The following MYO9A variants were observed in gnomAD, a reference collection of about 807,000 sequenced individuals.
The protein encoded by MYO9A is myosin IXA, also known as unconventional myosin-IXa.
MYO9A carries 103 observed loss-of-function variants against 293.3 expected under a neutral mutation model. The ratio of observed to expected loss-of-function variants is 0.35; its 90% CI spans 0.30 to 0.41. The LOEUF is 0.41. Ranked by LOEUF, MYO9A falls within the 10% of genes least tolerant of loss-of-function variation. The pLI is 1.00. For synonymous variants in MYO9A, 1,001 were observed against 1,035.7 expected (o/e 0.97, Z 0.64); for missense variants, 2,685 against 3,033.0 (o/e 0.89, Z 2.69).
chr15:72,001,849 G>A (rs561534167), intron 8 of MYO9A, among the ~76,000 whole-genome samples: 1 of 151,878 alleles, frequency 6.6e-6, no homozygotes, highest in Non-Finnish European at 1.5e-5. Context: ...CAACCTTTTA[G>A]ATTTATTTAA....
chr15:71,960,168 A>G (rs986315934), intron 13 of MYO9A, 72 bp from the exon 14 acceptor site: 1 of 1,321,292 alleles, frequency 7.6e-7, no homozygotes, highest in Non-Finnish European at 1.1e-6. Flanking sequence ...GGGTGATAAC[A>G]TACTTTGGAT....
At chr15:71,838,764 A>C (rs1395934898) in intron 39 of MYO9A, among the ~76,000 whole-genome samples, 2 of 152,204 alleles carry the variant, frequency 1.3e-5, no homozygotes, top group Non-Finnish European at 2.9e-5. Context: ...TGCTTTTGAC[A>C]GAGAGCCAAG....
At position 71,830,130 on chromosome 15, in the gene MYO9A, A is replaced by G. The variant is rs1464469820; in HGVS notation, c.7019T>C (p.Ile2340Thr). Residue 2340 changes from isoleucine to threonine, a missense_variant, in exon 40 of 42, where the codon ATT becomes ACT. Physicochemically the swap from Ile to Thr is moderately conservative, Grantham distance 89. Around this residue, in one of 10 missense-constraint regions of MYO9A, gnomAD observed 350 missense variants for 328.9 expected, o/e 1.06. Coordinates refer to ENST00000356056, the MANE Select transcript of MYO9A (RefSeq NM_006901.4). ...TCACTTCTCCTTCTGTAGGTTCTCA[A>G]TCTGCTCAGTCAGTACTCTCTCCTC... is the stretch of plus-strand genomic sequence containing the variant. ...QQEERVLTEQIENLQKEKEEL... is the reference protein window; with the variant it reads ...QQEERVLTEQTENLQKEKEEL... 2.5e-6 allele frequency: 4 copies of G among 1,613,980 alleles called. No individual in the cohort carries two copies. Among genetic ancestry groups the G allele is most frequent in the Non-Finnish European group, 3.4e-6 (4 of 1,179,940 alleles).
chr15:71,913,792 G>A (rs1308039022), intron 19 of MYO9A, among the ~76,000 whole-genome samples: 2 of 152,114 alleles, frequency 1.3e-5, no homozygotes, highest in Non-Finnish European at 2.9e-5. Flanking sequence ...TTTTGTGAGA[G>A]CAGGGCCAGA....
intron 1 of MYO9A, among the ~76,000 whole-genome samples, chr15:72,077,207 C>CT (rs1387606573): frequency 6.6e-6 from 1 of 152,128 alleles, no homozygotes; most frequent in Non-Finnish European, 1.5e-5. Flanking sequence ...TAATCTCAGC[C>CT]TTGGCAATGA....
At chr15:72,074,908 TC>T (rs1416232742) in intron 1 of MYO9A, among the ~76,000 whole-genome samples, 3 of 151,788 alleles carry the variant, frequency 2.0e-5, no homozygotes, top group Non-Finnish European at 4.4e-5. Flanking sequence ...AATTAGCATG[TC>T]TTTTCTCAGG....
chr15:71,852,347 G>A, intron 35 of MYO9A, 87 bp from the exon 36 acceptor site: 1 of 1,220,118 alleles, frequency 8.2e-7, no homozygotes, highest in Non-Finnish European at 1.1e-6. Context: ...ATCATTAAAG[G>A]AAGGCTTCAT....
intron 1 of MYO9A, among the ~76,000 whole-genome samples, chr15:72,058,704 C>T (rs1287650428): frequency 6.6e-6 from 1 of 152,090 alleles, no homozygotes; most frequent in Admixed American, 6.5e-5. Flanking sequence ...ACAGTATATG[C>T]TAACGAGGTA....
intron 1 of MYO9A, among the ~76,000 whole-genome samples, chr15:72,049,291 T>C (rs572451370): frequency 5.9e-5 from 9 of 152,338 alleles, no homozygotes; most frequent in South Asian, 2.1e-4. Flanking sequence ...AGTTATCTCA[T>C]AAATATTTTT....
At chr15:71,886,590 A>G (rs1258251723) in intron 27 of MYO9A, among the ~76,000 whole-genome samples, 1 of 152,174 alleles carries the variant, frequency 6.6e-6, no homozygotes, top group African/African-American at 2.4e-5. Context: ...GGGGAAGGTC[A>G]GCCAGCTAGA....
At chr15:71,894,448 G>A (rs2057266055) in intron 25 of MYO9A, among the ~76,000 whole-genome samples, 1 of 152,160 alleles carries the variant, frequency 6.6e-6, no homozygotes, top group Non-Finnish European at 1.5e-5. Context: ...GTGGTGGCAG[G>A]TGGCTGTAGT....
chr15:71,852,288 A>C (rs1165205982), intron 35 of MYO9A, 28 bp from the exon 36 acceptor site: 1 of 1,581,972 alleles, frequency 6.3e-7, no homozygotes. Flanking sequence ...TTAGATTAAC[A>C]GAGCCAAAAC....
intron 39 of MYO9A, among the ~76,000 whole-genome samples, chr15:71,846,749 A>G (rs1402404434): frequency 4.0e-5 from 1 of 24,794 alleles, no homozygotes; most frequent in Non-Finnish European, 7.2e-5. Context: ...TGGTGTTCTC[A>G]GCCTTCCATC....
intron 1 of MYO9A, among the ~76,000 whole-genome samples, chr15:72,081,532 G>A (rs1388097631): frequency 2.0e-5 from 3 of 152,066 alleles, no homozygotes; most frequent in Non-Finnish European, 4.4e-5. Flanking sequence ...CTTTTGCTGT[G>A]CAGAAGCTCT....
At chr15:71,945,864 A>G (rs143829495) in intron 15 of MYO9A, among the ~76,000 whole-genome samples, 3 of 152,262 alleles carry the variant, frequency 2.0e-5, no homozygotes, top group Non-Finnish European at 2.9e-5. Flanking sequence ...TTGCTGTAGG[A>G]TTTTCATGCA....
chr15:72,018,711 G>C (rs1292875549), intron 6 of MYO9A, among the ~76,000 whole-genome samples: 1 of 151,664 alleles, frequency 6.6e-6, no homozygotes, highest in Non-Finnish European at 1.5e-5. Context: ...AAATAAAAGG[G>C]GAAAAAAACC....
chr15:71,964,143 AT>A (rs143694789), intron 13 of MYO9A, among the ~76,000 whole-genome samples: 1,922 of 151,830 alleles, frequency 0.013, 17 homozygotes, highest in East Asian at 0.024. Flanking sequence ...GTAATCTATA[AT>A]TTTTTTTATA....
At chr15:72,058,544 AC>A (rs2078787074) in intron 1 of MYO9A, among the ~76,000 whole-genome samples, 1 of 152,238 alleles carries the variant, frequency 6.6e-6, no homozygotes, top group African/African-American at 2.4e-5. Context: ...GGGATAGCTG[AC>A]CATAAGAATA....
At chr15:72,089,519 C>A (rs979990909) in intron 1 of MYO9A, among the ~76,000 whole-genome samples, 5 of 152,044 alleles carry the variant, frequency 3.3e-5, no homozygotes, top group African/African-American at 1.2e-4. Flanking sequence ...GAGGCTCACA[C>A]CTATAATCCC....
Sources: allele counts gnomAD v4.1 joint callset (sites outside exome capture counted in the v4.1 genomes callset), GRCh38; gene constraint gnomAD v4.1.1; regional missense constraint gnomAD v4.1.1; transcripts MANE v1.5; gene names NCBI Gene and HGNC (gene_info 2026-07-23, HGNC 2026-07-21).